The following AFAP1L2 variants were observed in gnomAD, a reference collection of about 807,000 sequenced individuals.
AFAP1L2 encodes the protein actin filament-associated protein 1-like 2.
A neutral mutation model predicts 99.3 loss-of-function variants in AFAP1L2; 46 were observed. The ratio of observed to expected loss-of-function variants is 0.46; its 90% CI spans 0.37 to 0.59. AFAP1L2 has a LOEUF of 0.59. AFAP1L2 is among the 20% of genes least tolerant of loss of function. The pLI is 0.00. For synonymous variants in AFAP1L2, 397 were observed against 419.1 expected, an observed-to-expected ratio of 0.95 and a Z score of 0.64; for missense variants, 959 against 1,034.9, an observed-to-expected ratio of 0.93 and a Z score of 1.01.
intron 2 of AFAP1L2, among the ~76,000 whole-genome samples, chr10:114,337,030 C>T (rs924749094): frequency 6.6e-6 from 1 of 152,218 alleles, no homozygotes; most frequent in Non-Finnish European, 1.5e-5. Flanking sequence ...CCTCCACCTA[C>T]AAGTCTCAAC....
intron 1 of AFAP1L2, among the ~76,000 whole-genome samples, chr10:114,368,498 C>T (rs2053606497): frequency 6.6e-6 from 1 of 152,134 alleles, no homozygotes; most frequent in Admixed American, 6.6e-5. Flanking sequence ...TGGCTCACTG[C>T]AGCCTCCACC....
chr10:114,304,023 GAGA>G (rs1233695236), intron 11 of AFAP1L2, among the ~76,000 whole-genome samples: 1 of 152,232 alleles, frequency 6.6e-6, no homozygotes, highest in African/African-American at 2.4e-5. Flanking sequence ...TTCCTGTGCT[GAGA>G]AGATGTCTGT....
At chr10:114,397,555 G>A (rs921726548) in intron 1 of AFAP1L2, among the ~76,000 whole-genome samples, 1 of 152,156 alleles carries the variant, frequency 6.6e-6, no homozygotes, top group East Asian at 1.9e-4. Context: ...CTTAGGTCCG[G>A]TAATAGGGCA....
chr10:114,368,330 T>C (rs1318991339), intron 1 of AFAP1L2, among the ~76,000 whole-genome samples: 3 of 152,120 alleles, frequency 2.0e-5, no homozygotes, highest in Non-Finnish European at 4.4e-5. Context: ...AAAGTTTCAG[T>C]TATAAGATGG....
intron 1 of AFAP1L2, among the ~76,000 whole-genome samples, chr10:114,389,949 T>A (rs1428750424): frequency 6.6e-6 from 1 of 152,194 alleles, no homozygotes; most frequent in African/African-American, 2.4e-5. Context: ...CTGCTCCAAG[T>A]CAGAATTATT....
At chr10:114,294,213 T>C (rs1224691081), downstream of AFAP1L2, among the ~76,000 whole-genome samples, 5 of 152,240 alleles carry the variant, frequency 3.3e-5, no homozygotes, top group African/African-American at 1.2e-4. Context: ...TCTTTTAATC[T>C]GTGTCCAACA....
chr10:114,379,191 C>T (rs181468115), intron 1 of AFAP1L2, among the ~76,000 whole-genome samples: 211 of 144,474 alleles, frequency 1.5e-3, no homozygotes, highest in East Asian at 0.014. Flanking sequence ...CCAGCCTGGA[C>T]GACAGAGTGA....
At chr10:114,299,519 A>C in intron 15 of AFAP1L2, 104 bp from the exon 16 acceptor site, 1 of 1,437,052 alleles carries the variant, frequency 7.0e-7, no homozygotes, top group Non-Finnish European at 9.4e-7. Context: ...TTTGGCACAA[A>C]GCCCTGCTAG....
Position 114,308,569 on chromosome 10 carries a change from T to TGTGGTAACTTCAATTGTG in AFAP1L2, c.883-53_883-52insCACAATTGAAGTTACCAC, listed in dbSNP as rs748420412. ...GATCACTGGCTGGGAACAGTTACCT[T>TGTGGTAACTTCAATTGTG]GGAGACCACAATTGAAGGGAAAATA... is the stretch of plus-strand genomic sequence containing the variant. On this transcript the variant is annotated intron_variant, in intron 8 of 18. Transcript: ENST00000304129. 3 of 1,501,756 alleles carry TGTGGTAACTTCAATTGTG rather than the reference T, an allele frequency of 2.0e-6. No homozygotes were observed. The Admixed American group carries it at 5.1e-5, about 25-fold the overall frequency. The allele number at this position is 1,501,756 out of a possible 1,614,324, so 93.0% of individuals were successfully genotyped here.
intron 7 of AFAP1L2, among the ~76,000 whole-genome samples, chr10:114,313,193 TC>T: frequency 6.6e-6 from 1 of 152,016 alleles, no homozygotes; most frequent in South Asian, 2.1e-4. Flanking sequence ...CTCACCAGGG[TC>T]CCTGCTGGGT....
chr10:114,343,870 C>T (rs1201217618), intron 1 of AFAP1L2, among the ~76,000 whole-genome samples: 1 of 152,194 alleles, frequency 6.6e-6, no homozygotes, highest in African/African-American at 2.4e-5. Flanking sequence ...GCACTGCCAG[C>T]ATCACCACAC....
chr10:114,382,588 C>CTTTTTTTT (rs1554956154), intron 1 of AFAP1L2, among the ~76,000 whole-genome samples: 1 of 93,296 alleles, frequency 1.1e-5, no homozygotes, highest in African/African-American at 4.1e-5. Flanking sequence ...TATTTCTTCT[C>CTTTTTTTT]TTTTTTTTTT....
At chr10:114,399,999 C>A (rs1424417220) in intron 1 of AFAP1L2, among the ~76,000 whole-genome samples, 1 of 152,196 alleles carries the variant, frequency 6.6e-6, no homozygotes, top group Non-Finnish European at 1.5e-5. Context: ...GCAGTTTGCC[C>A]AAGGAAATGA....
At chr10:114,286,338 G>A in the AFAP1L2 span, 72 of 1,613,156 alleles carry the variant, frequency 4.5e-5, no homozygotes, top group African/African-American at 1.1e-4. Context: ...GGCCCAGCGC[G>A]TCACGCAAGG....
At chr10:114,349,333 G>A (rs529538974) in intron 1 of AFAP1L2, among the ~76,000 whole-genome samples, 3 of 139,870 alleles carry the variant, frequency 2.1e-5, no homozygotes, top group Non-Finnish European at 3.0e-5. Context: ...AGCCGAGATC[G>A]CACCATTGCT....
At chr10:114,284,156 C>G in the AFAP1L2 span, among the ~76,000 whole-genome samples, 50,507 of 152,110 alleles carry the variant, frequency 0.33, 8,684 homozygotes, top group South Asian at 0.45. Flanking sequence ...GAATGGGCCA[C>G]ATTTTGACAC....
chr10:114,344,340 A>G (rs1400691656), intron 1 of AFAP1L2, among the ~76,000 whole-genome samples: 1 of 152,190 alleles, frequency 6.6e-6, no homozygotes, highest in African/African-American at 2.4e-5. Context: ...ACTTCAGGGG[A>G]CAAGGGAAAG....
chr10:114,333,969 C>T (rs2047573400), intron 2 of AFAP1L2, among the ~76,000 whole-genome samples: 1 of 152,076 alleles, frequency 6.6e-6, no homozygotes, highest in African/African-American at 2.4e-5. Context: ...TGGGCTGATC[C>T]AGTGTGTATA....
rs1328097124 is a variant in AFAP1L2 at position 114,326,128 on chromosome 10, G to A, written c.316-2867C>T. ...ATCACCACAGGGTCTGTCCCTGGGG[G>A]CCTCCTGTCCTGTCTAGGGTGGAGC... On this transcript the variant is annotated intron_variant, in intron 4 of 18. Coordinates refer to ENST00000304129, the MANE Select transcript of AFAP1L2 (RefSeq NM_001001936.3). 4.6e-6 allele frequency: 5 copies of A among 1,083,214 alleles called. No homozygotes were observed. The East Asian group carries it at 2.4e-4, about 53-fold the overall frequency. The allele number at this position is 1,083,214 out of a possible 1,614,324, so 67.1% of individuals were successfully genotyped here. A position where few individuals can be genotyped will look rare whatever the true frequency, so the allele number is the denominator to read the frequency against.
Sources: gnomAD v4.1 joint callset for allele counts (sites outside exome capture counted in the v4.1 genomes callset) on GRCh38, gnomAD v4.1.1 for gene constraint, MANE v1.5 for transcripts, NCBI Gene and HGNC (gene_info 2026-07-23, HGNC 2026-07-21) for gene names.